EPB41L4A: variants seen among roughly 807,000 people sequenced by gnomAD.
EPB41L4A encodes the protein erythrocyte membrane protein band 4.1 like 4A.
Under a neutral mutation model 108.6 loss-of-function variants are expected in EPB41L4A, and 100 were observed. The ratio of observed to expected loss-of-function variants is 0.92; its 90% confidence interval spans 0.78 to 1.09. The LOEUF (loss-of-function observed/expected upper bound fraction) is 1.09, where lower values mean the gene tolerates loss of function less well. Among genes scored for constraint, EPB41L4A ranks in the 50% least tolerant of loss-of-function variants. The probability of loss-of-function intolerance (pLI) is 0.00; values close to 1 mark genes in which losing one functional copy is unlikely to be tolerated. For synonymous variants in EPB41L4A, 319 were observed against 289.0 expected, an observed-to-expected ratio of 1.10 and a Z score of -1.05; for missense variants, 1,030 against 842.7, an observed-to-expected ratio of 1.22 and a Z score of -2.75.
chr5:112,265,055 A>G, intron 5 of EPB41L4A, 39 bp from the exon 6 acceptor site: 4 of 1,506,296 alleles, frequency 2.7e-6, no homozygotes, highest in African/African-American at 2.8e-5. Flanking sequence ...CCATTTTAGG[A>G]AAATAGTCCT....
intron 2 of EPB41L4A, among the ~76,000 whole-genome samples, chr5:112,284,560 A>G (rs935069764): frequency 6.6e-6 from 1 of 152,148 alleles, no homozygotes; most frequent in Non-Finnish European, 1.5e-5. Context: ...TTTCAAATGT[A>G]TACTATGCAG....
intron 1 of EPB41L4A, among the ~76,000 whole-genome samples, chr5:112,367,429 A>G (rs1262558178): frequency 3.3e-5 from 5 of 152,236 alleles, no homozygotes; most frequent in African/African-American, 1.2e-4. Context: ...ATCTTCCCTT[A>G]TCACTCACTG....
intron 1 of EPB41L4A, among the ~76,000 whole-genome samples, chr5:112,357,286 G>C (rs533722102): frequency 1.3e-5 from 2 of 152,312 alleles, no homozygotes; most frequent in African/African-American, 4.8e-5. Flanking sequence ...AAATGAACAT[G>C]CGACCTGAGC....
chr5:112,389,446 T>C (rs535595807), intron 1 of EPB41L4A, among the ~76,000 whole-genome samples: 53 of 152,282 alleles, frequency 3.5e-4, no homozygotes, highest in Middle Eastern at 3.4e-3. Context: ...TTTTCAGAAA[T>C]CAGGAGAGAC....
At chr5:112,166,873 T>A (rs1438145618) in intron 22 of EPB41L4A, among the ~76,000 whole-genome samples, 2 of 152,236 alleles carry the variant, frequency 1.3e-5, no homozygotes, top group African/African-American at 4.8e-5. Flanking sequence ...CCTTAGGCCA[T>A]GGTTTGCTGA....
At chr5:112,344,191 T>C (rs1046518767) in intron 1 of EPB41L4A, among the ~76,000 whole-genome samples, 4 of 152,194 alleles carry the variant, frequency 2.6e-5, no homozygotes, top group African/African-American at 9.7e-5. Flanking sequence ...TCATAATCAC[T>C]ACCCACATGA....
rs55835004 is a variant in EPB41L4A, at chr5:112,287,267, C to A, written c.205-6944G>T. Among the ~76,000 whole-genome samples the A allele has an allele frequency of 5.8e-3, 888 of 152,236 alleles. 2 individuals are homozygous for A. Among genetic ancestry groups the A allele is most frequent in the Middle Eastern group, 0.014 (4 of 294 alleles). ...GTCCAAAAGAAAACTGATGATTCTA[C>A]CCCCTCAAAAAAAATTGTTCTCCTG... is the stretch of plus-strand genomic sequence containing the variant. On this transcript the variant is annotated intron_variant, in intron 2 of 22. Transcript: ENST00000261486.
intron 14 of EPB41L4A, 60 bp from the exon 15 acceptor site, chr5:112,204,548 G>A (rs1300147588): frequency 1.4e-5 from 16 of 1,104,704 alleles, no homozygotes; most frequent in Admixed American, 1.0e-4. Context: ...AAAACACACC[G>A]CAGCCCAGAC....
chr5:112,191,617 G>A (rs1167498009), intron 17 of EPB41L4A, among the ~76,000 whole-genome samples: 1 of 148,608 alleles, frequency 6.7e-6, no homozygotes, highest in African/African-American at 2.5e-5. Flanking sequence ...GTGGAAAAAA[G>A]AAAACAATAT....
At chr5:112,313,165 G>A (rs1234892351) in intron 1 of EPB41L4A, among the ~76,000 whole-genome samples, 2 of 152,196 alleles carry the variant, frequency 1.3e-5, no homozygotes. Flanking sequence ...GTGATGTGAT[G>A]CGGGAAGTCT....
At chr5:112,394,766 A>G (rs1277393123) in intron 1 of EPB41L4A, among the ~76,000 whole-genome samples, 1 of 152,052 alleles carries the variant, frequency 6.6e-6, no homozygotes, top group East Asian at 2.0e-4. Context: ...GAACCAAAAA[A>G]GAGCCCACAT....
At chr5:112,211,021 A>T (rs1434741796) in intron 12 of EPB41L4A, among the ~76,000 whole-genome samples, 2 of 152,150 alleles carry the variant, frequency 1.3e-5, no homozygotes, top group Non-Finnish European at 2.9e-5. Context: ...TGTGTCAGGT[A>T]CTATTACAAG....
rs1353928738 is a variant in EPB41L4A at position 112,150,868 on chromosome 5, GAAAC to G, written n.995-4874_995-4871del. ...CAAAATCCCTTTCAAAAATGAGAGT[GAAAC>G]AAAGACATTTTCAGACAAATAAAGG... On this transcript the variant is annotated intron_variant and non_coding_transcript_variant, in intron 12 of 13. Transcript: ENST00000507810. Among the ~76,000 whole-genome samples the G allele has an allele frequency of 8.5e-5, 13 of 152,192 alleles. 1 individual carries two copies. Among genetic ancestry groups the G allele is most frequent in the Admixed American group, 8.5e-4 (13 of 15,282 alleles).
intron 12 of EPB41L4A, among the ~76,000 whole-genome samples, chr5:112,153,537 A>T (rs1159357947): frequency 6.6e-6 from 1 of 150,606 alleles, no homozygotes; most frequent in Admixed American, 6.6e-5. Context: ...TCAAAAAAAA[A>T]ACAAAAGAAA....
chr5:112,213,115 A>G (rs955444346), intron 12 of EPB41L4A, among the ~76,000 whole-genome samples: 6 of 151,790 alleles, frequency 4.0e-5, no homozygotes, highest in Non-Finnish European at 5.9e-5. Context: ...GAATTTCAGG[A>G]AAAAAAAATC....
At chr5:112,279,519 G>C (rs1001260825) in intron 3 of EPB41L4A, among the ~76,000 whole-genome samples, 1 of 152,142 alleles carries the variant, frequency 6.6e-6, no homozygotes, top group African/African-American at 2.4e-5. Context: ...GATGATGGTT[G>C]CACAACAACG....
intron 1 of EPB41L4A, among the ~76,000 whole-genome samples, chr5:112,406,959 C>A (rs1286334548): frequency 6.6e-6 from 1 of 152,062 alleles, no homozygotes; most frequent in Non-Finnish European, 1.5e-5. Flanking sequence ...TCAGCTCTTC[C>A]ACACTCTTGC....
chr5:112,402,219 T>C (rs1186839439), intron 1 of EPB41L4A, among the ~76,000 whole-genome samples: 1 of 152,190 alleles, frequency 6.6e-6, no homozygotes, highest in African/African-American at 2.4e-5. Flanking sequence ...CTTTTCCTCC[T>C]GGTCTAGCCA....
In EPB41L4A at chr5:112,214,122, C is replaced by G. The variant is rs1453320862; in HGVS notation, c.1088-4140G>C. ...TTTTCCTTTTCCTCCCCTCATCATA[C>G]CACCTTCCAGAATCCCTCCTACATC... is the stretch of plus-strand genomic sequence containing the variant. On this transcript the variant is annotated intron_variant, in intron 12 of 22. Transcript: ENST00000261486. Among the ~76,000 whole-genome samples the G allele has an allele frequency of 2.0e-5, 3 of 152,292 alleles. No individual in the cohort carries two copies. The East Asian group carries it at 5.8e-4, about 29-fold the overall frequency.
Sources: gnomAD v4.1 joint callset for allele counts (sites outside exome capture counted in the v4.1 genomes callset) on GRCh38, gnomAD v4.1.1 for gene constraint, MANE v1.5 for transcripts, NCBI Gene and HGNC (gene_info 2026-07-23, HGNC 2026-07-21) for gene names.